The following NCAM1 variants were observed in gnomAD, a reference collection of about 807,000 sequenced individuals.
NCAM1 encodes antigen recognized by monoclonal antibody 5.1H11.
A neutral mutation model predicts 109.8 loss-of-function variants in NCAM1; 14 were observed. That is an observed-to-expected ratio of 0.13 (90% CI 0.08 to 0.20). The LOEUF (loss-of-function observed/expected upper bound fraction) is 0.20, where lower values mean the gene tolerates loss of function less well. Ranked by LOEUF, NCAM1 falls within the 10% of genes least tolerant of loss-of-function variation. The pLI is 1.00. For synonymous variants in NCAM1, 418 were observed against 442.9 expected, an observed-to-expected ratio of 0.94 and a Z score of 0.70; for missense variants, 774 against 1,109.9, an observed-to-expected ratio of 0.70 and a Z score of 4.30.
chr11:112,970,780 G>T (rs1555066623), intron 1 of NCAM1, among the ~76,000 whole-genome samples: 2 of 152,094 alleles, frequency 1.3e-5, no homozygotes, highest in African/African-American at 4.8e-5. Flanking sequence ...ACCCAACTAT[G>T]ATATATTTTC....
At chr11:113,014,347 A>G (rs935008517) in intron 1 of NCAM1, among the ~76,000 whole-genome samples, 8 of 152,138 alleles carry the variant, frequency 5.3e-5, no homozygotes, top group Middle Eastern at 3.2e-3. Flanking sequence ...GGCTGGCTCC[A>G]CTTAGTCCTG....
At chr11:113,013,556 C>T (rs1207720970) in intron 1 of NCAM1, among the ~76,000 whole-genome samples, 1 of 152,132 alleles carries the variant, frequency 6.6e-6, no homozygotes, top group East Asian at 1.9e-4. Context: ...TATACTGCTT[C>T]AAGTCTAAGG....
At chr11:113,221,582 C>G (rs187953738) in intron 9 of NCAM1, 1 of 411,230 alleles carries the variant, frequency 2.4e-6, no homozygotes, top group East Asian at 4.2e-5. Context: ...AAATCACATC[C>G]AGGTAATTAC....
At chr11:113,091,522 G>A (rs782025158) in intron 1 of NCAM1, among the ~76,000 whole-genome samples, 1 of 152,208 alleles carries the variant, frequency 6.6e-6, no homozygotes. Context: ...GGATCGAAAT[G>A]TTAAGATGTA....
chr11:113,081,669 GA>G (rs1938826769), intron 1 of NCAM1, among the ~76,000 whole-genome samples: 1 of 151,972 alleles, frequency 6.6e-6, no homozygotes, highest in South Asian at 2.1e-4. Flanking sequence ...AAGTAGCTGA[GA>G]TTACAGGTGT....
chr11:113,233,277 TGAA>T lies in NCAM1; in HGVS notation c.1658_1660del (p.Glu553del). The T allele has an allele frequency of 6.2e-7, 1 of 1,613,550 alleles. No individual in the cohort carries two copies. The highest frequency in any genetic ancestry group is 8.5e-7 in the Non-Finnish European group (1 of 1,179,772). Reference sequence around the variant, plus strand: ...ACAAAGCTGAGTGGAGAGCAGTTGGTGAAGAAGTATGGCATTCCAAGTGGTATG... The same window carrying T: ...ACAAAGCTGAGTGGAGAGCAGTTGGTGAAGTATGGCATTCCAAGTGGTATG... On this transcript the variant is annotated inframe_deletion, in exon 13 of 20. Transcript: ENST00000316851. This position sits in a 1 kb window ranked among gnomAD's most constrained non-coding sequence, Gnocchi z 4.5.
Position 112,963,328 on chromosome 11 carries a change from C to G in NCAM1, c.52+1664C>G, listed in dbSNP as rs1406509262. 1 of 152,374 alleles carries G rather than the reference C, an allele frequency of 6.6e-6. No homozygotes were observed. The highest frequency in any genetic ancestry group is 1.5e-5 in the Non-Finnish European group (1 of 68,180). The allele number at this position is 152,374 out of a possible 1,614,324, so 9.4% of individuals were successfully genotyped here. ...CCTGGTCCGGCCGCCCGTGCTCGCCCACTCTCGCCTCTTTCACGCCGACTT... is the reference window on the plus strand; with the variant it reads ...CCTGGTCCGGCCGCCCGTGCTCGCCGACTCTCGCCTCTTTCACGCCGACTT... On this transcript the variant is annotated intron_variant, in intron 1 of 19. Transcript: ENST00000316851. This position sits in a 1 kb window ranked among gnomAD's most constrained non-coding sequence, Gnocchi z 4.6.
At chr11:113,069,351 G>T (rs536079499) in intron 1 of NCAM1, among the ~76,000 whole-genome samples, 2 of 152,332 alleles carry the variant, frequency 1.3e-5, no homozygotes, top group South Asian at 4.2e-4. Context: ...TAGGGAAGGG[G>T]CTAGGAATGC....
chr11:113,002,911 G>A (rs534927488), intron 1 of NCAM1, among the ~76,000 whole-genome samples: 50 of 152,292 alleles, frequency 3.3e-4, no homozygotes, highest in Non-Finnish European at 5.3e-4. Flanking sequence ...ACCATTGAGA[G>A]AAAAGCAAAA....
Position 113,239,499 on chromosome 11 carries a change from CTTTTTTTTTTTT to C in NCAM1, c.1825+4348_1825+4359del, listed in dbSNP as rs55641415. On this transcript the variant is annotated intron_variant, in intron 14 of 19. Transcript: ENST00000316851. The stretch of plus-strand genomic sequence containing the variant: ...TATAGAGATTATGAATGAGTCTCTA[CTTTTTTTTTTTT>C]TTTTTTTTTTTTGAGACGGAGTCTC... 3.6e-5 allele frequency among the ~76,000 whole-genome samples: 4 copies of C among 110,198 alleles called. No homozygotes were observed. The East Asian group carries it at 9.8e-4, about 27-fold the overall frequency. 72.3% of individuals were successfully genotyped at this position (110,198 alleles called of 152,430 possible).
chr11:113,219,517 ACT>A (rs1944626665), intron 8 of NCAM1, among the ~76,000 whole-genome samples: 1 of 152,192 alleles, frequency 6.6e-6, no homozygotes, highest in Non-Finnish European at 1.5e-5. Context: ...TACTAATCAC[ACT>A]CTGATTTATT....
intron 1 of NCAM1, among the ~76,000 whole-genome samples, chr11:113,145,594 G>A (rs1298829796): frequency 6.6e-6 from 1 of 152,104 alleles, no homozygotes; most frequent in African/African-American, 2.4e-5. Flanking sequence ...TTAAACACCT[G>A]TCTATCCGTA....
At chr11:113,231,507 C>T (rs1945004540) in intron 9 of NCAM1, 138 bp from the exon 10 acceptor site, 1 of 980,786 alleles carries the variant, frequency 1.0e-6, no homozygotes, top group Non-Finnish European at 1.5e-6. Flanking sequence ...AAGCCATTGA[C>T]ACAGAGAGGA....
At chr11:113,234,939 A>G (rs1412665742) in intron 13 of NCAM1, 94 bp from the exon 14 acceptor site, 6 of 1,405,702 alleles carry the variant, frequency 4.3e-6, no homozygotes, top group East Asian at 2.5e-5. Flanking sequence ...ATAAATCTAC[A>G]GTTAATTTTT....
At chr11:113,111,292 T>C (rs1555093655) in intron 1 of NCAM1, among the ~76,000 whole-genome samples, 1 of 152,214 alleles carries the variant, frequency 6.6e-6, no homozygotes, top group Non-Finnish European at 1.5e-5. Flanking sequence ...TTTGTTTTTC[T>C]AAATTGCAAA....
chr11:113,206,007 T>C, intron 4 of NCAM1, 36 bp from the exon 5 acceptor site: 2 of 1,613,082 alleles, frequency 1.2e-6, no homozygotes, highest in Non-Finnish European at 1.7e-6. Context: ...GCTCTCTGAC[T>C]GATTCTTGGA....
Position 113,052,127 on chromosome 11 carries a change from G to A in NCAM1, c.52+90463G>A, listed in dbSNP as rs79497454. 4.3e-3 allele frequency among the ~76,000 whole-genome samples: 656 copies of A among 152,266 alleles called. 5 individuals are homozygous for A. Among genetic ancestry groups the A allele is most frequent in the African/African-American group, 0.015 (628 of 41,540 alleles). ...ATTTCATTTGGAACTGAATCTGTGTGGGTAGTAAGTTGTTTACCTGACAGT... is the reference window on the plus strand; with the variant it reads ...ATTTCATTTGGAACTGAATCTGTGTAGGTAGTAAGTTGTTTACCTGACAGT... On this transcript the variant is annotated intron_variant, in intron 1 of 19. Coordinates refer to ENST00000316851, the MANE Select transcript of NCAM1 (RefSeq NM_181351.5).
intron 1 of NCAM1, among the ~76,000 whole-genome samples, chr11:113,082,327 A>G (rs1401402108): frequency 6.6e-6 from 1 of 152,226 alleles, no homozygotes; most frequent in African/African-American, 2.4e-5. Context: ...TGATATGCCC[A>G]TAGACTTGTA....
chr11:113,259,700 C>CTT (rs61638375), intron 16 of NCAM1, among the ~76,000 whole-genome samples: 2,374 of 113,462 alleles, frequency 0.021, 117 homozygotes, highest in African/African-American at 0.058. Flanking sequence ...CCCATCATTG[C>CTT]TTTTTTTTTT....
Sources: gnomAD v4.1 joint callset for allele counts (sites outside exome capture counted in the v4.1 genomes callset) on GRCh38, gnomAD v4.1.1 for gene constraint, Gnocchi (gnomAD v3.1) non-coding constraint, MANE v1.5 for transcripts, NCBI Gene and HGNC (gene_info 2026-07-23, HGNC 2026-07-21) for gene names.